PRR19: variants seen among roughly 807,000 people sequenced by gnomAD.
PRR19 encodes proline rich 19, also known as proline-rich protein 19.
In PRR19, 9 loss-of-function variants were observed where a neutral mutation model predicts 19.2. The observed-to-expected ratio is 0.47, with a 90% CI of 0.28 to 0.82. The LOEUF is 0.82. Among genes scored for constraint, PRR19 ranks in the 40% least tolerant of loss-of-function variants. PRR19 has a pLI of 0.11. For synonymous variants in PRR19, 190 were observed against 191.0 expected (o/e 0.99, Z 0.04); for missense variants, 457 against 466.0 (o/e 0.98, Z 0.18).
At chr19:42,307,655 GA>G (rs1389923790) in intron 1 of PRR19, among the ~76,000 whole-genome samples, 1 of 149,798 alleles carries the variant, frequency 6.7e-6, no homozygotes, top group African/African-American at 2.5e-5. Flanking sequence ...GGCTGGTCTC[GA>G]ACTCCTGACC....
intron 1 of PRR19, among the ~76,000 whole-genome samples, chr19:42,307,424 T>TTTGTTGTTG (rs139388795): frequency 1.7e-4 from 26 of 150,948 alleles, no homozygotes; most frequent in African/African-American, 3.7e-4. Context: ...CCCTCCATCT[T>TTTGTTGTTG]TTGTTGTTGT....
chr19:42,310,163 G>C lies in PRR19; in HGVS notation c.579G>C (p.Arg193=). 1 of 1,614,030 alleles carries C rather than the reference G, an allele frequency of 6.2e-7. No homozygotes were observed. The highest frequency in any genetic ancestry group is 8.5e-7 in the Non-Finnish European group (1 of 1,180,020). The change falls in exon 2 of 3, where the codon CGG becomes CGC. Residue 193 remains arginine (R), a synonymous_variant. Coordinates refer to ENST00000341747, the MANE Select transcript of PRR19 (RefSeq NM_199285.3). The stretch of plus-strand genomic sequence containing the variant: ...TGCCTGACCTTGCCCTGGTGCTTCG[G>C]GGCTGCCAGCCACCCTTGCCAGGTG... ...GCVPDLALVL[R]GCQPPLPGAK...
chr19:42,309,482 T>A, intron 1 of PRR19, 97 bp from the exon 2 acceptor site: 1 of 918,154 alleles, frequency 1.1e-6, no homozygotes, highest in Non-Finnish European at 1.7e-6. Flanking sequence ...GTGTTGGTAT[T>A]ACAGGCATAA....
At chr19:42,307,692 C>T (rs1270155408) in intron 1 of PRR19, among the ~76,000 whole-genome samples, 2 of 151,722 alleles carry the variant, frequency 1.3e-5, no homozygotes, top group African/African-American at 2.4e-5. Context: ...ACCTCGGCCT[C>T]CCAAAGTGCT....
intron 1 of PRR19, among the ~76,000 whole-genome samples, chr19:42,303,263 A>G (rs1288574321): frequency 6.6e-6 from 1 of 152,082 alleles, no homozygotes; most frequent in African/African-American, 2.4e-5. Flanking sequence ...AAGGTGCAGA[A>G]AGAGAAAGGA....
chr19:42,309,709 A>G lies in PRR19; in HGVS notation c.125A>G (p.His42Arg), dbSNP rs772777984. Reference protein sequence around the residue: ...ALVGSRRPLAHHDPPVAIRDP... With the variant: ...ALVGSRRPLARHDPPVAIRDP... ...GTGGGCAGCCGCCGGCCATTAGCCCACCACGATCCTCCTGTGGCCATTCGG... is the reference window on the plus strand; with the variant it reads ...GTGGGCAGCCGCCGGCCATTAGCCCGCCACGATCCTCCTGTGGCCATTCGG... Residue 42 changes from histidine (H) to arginine (R), a missense_variant, in exon 2 of 3, where the codon CAC becomes CGC. Physicochemically the swap from His to Arg is conservative, Grantham distance 29 (BLOSUM62 0). Coordinates refer to ENST00000341747, the MANE Select transcript of PRR19 (RefSeq NM_199285.3). The G allele has an allele frequency of 1.2e-6, 2 of 1,605,968 alleles. No homozygotes were observed. The highest frequency in any genetic ancestry group is 1.7e-5 in the Admixed American group (1 of 59,716).
intron 1 of PRR19, 71 bp from the exon 2 acceptor site, chr19:42,309,508 C>A: frequency 8.2e-7 from 1 of 1,222,112 alleles, no homozygotes; most frequent in Non-Finnish European, 1.1e-6. Flanking sequence ...CGCGCCCAGC[C>A]CTCCCTATTC....
intron 1 of PRR19, among the ~76,000 whole-genome samples, chr19:42,304,546 C>G (rs1435667962): frequency 1.3e-5 from 2 of 148,900 alleles, no homozygotes; most frequent in Admixed American, 6.7e-5. Context: ...AGGTCAGGAT[C>G]GAGACCATCC....
intron 1 of PRR19, among the ~76,000 whole-genome samples, chr19:42,302,976 G>A (rs2038663455): frequency 6.6e-6 from 1 of 151,746 alleles, no homozygotes; most frequent in South Asian, 2.1e-4. Context: ...GAAAATTCGA[G>A]GCTCCCTTCT....
At position 42,310,377 on chromosome 19, in the gene PRR19, G is replaced by A. The variant is rs773919867; in HGVS notation, c.708G>A (p.Glu236=). The change falls in exon 3 of 3, where the codon GAG becomes GAA. Residue 236 remains glutamate, a synonymous_variant. Coordinates refer to ENST00000341747, the MANE Select transcript of PRR19 (RefSeq NM_199285.3). ...AAAGGAAGCAACAAGGGACAAAGGA[G>A]TTCACCTTCCCCATGCCCTACACCT... The part of the protein sequence containing the change: ...ERQRKQQGTK[E]FTFPMPYTSS... The A allele has an allele frequency of 5.0e-6, 8 of 1,613,990 alleles. No homozygotes were observed. Among genetic ancestry groups the A allele is most frequent in the Non-Finnish European group, 6.8e-6 (8 of 1,180,008 alleles).
intron 1 of PRR19, chr19:42,302,705 A>T (rs912149008): frequency 4.3e-6 from 1 of 231,690 alleles, no homozygotes; most frequent in Non-Finnish European, 8.6e-6. Flanking sequence ...CTACCTGAAG[A>T]GTCGAGAGTG....
chr19:42,309,878 C>T lies in PRR19; in HGVS notation c.294C>T (p.Gly98=). 1 of 1,613,942 alleles carries T rather than the reference C, an allele frequency of 6.2e-7. No homozygotes were observed. The highest frequency in any genetic ancestry group is 8.5e-7 in the Non-Finnish European group (1 of 1,180,010). The change falls in exon 2 of 3, where the codon GGC becomes GGT. Residue 98 remains glycine, a synonymous_variant. Coordinates refer to ENST00000341747, the MANE Select transcript of PRR19 (RefSeq NM_199285.3). ...RLLSSGTLVP[G]SPTLPAKPSP... ...TTAGCAGTGGGACCCTGGTGCCAGG[C>T]AGCCCCACACTCCCCGCCAAGCCCT... is the stretch of plus-strand genomic sequence containing the variant.
chr19:42,302,658 AGGGAGAAACCACCCACCGGTCACG>A, intron 1 of PRR19, 155 bp downstream of exon 1: 1 of 311,796 alleles, frequency 3.2e-6, no homozygotes, highest in Non-Finnish European at 6.1e-6. Flanking sequence ...GGCGGGGAGG[AGGGAGAAACCACCCACCGGTCACG>A]GGGAGGGGCG....
intron 1 of PRR19, among the ~76,000 whole-genome samples, chr19:42,304,136 T>C (rs1599958109): frequency 6.7e-6 from 1 of 148,980 alleles, no homozygotes; most frequent in African/African-American, 2.5e-5. Flanking sequence ...AAAAATTAGC[T>C]AGGCATGGCA....
In PRR19 at chr19:42,310,362, A is replaced by G. The variant is rs1340639837; in HGVS notation, c.693A>G (p.Gln231=). The change falls in exon 3 of 3, where the codon CAA becomes CAG. Residue 231 remains glutamine (Q), a synonymous_variant. Transcript: ENST00000341747. The stretch of plus-strand genomic sequence containing the variant: ...CAGAGCAGGAGAGGCAAAGGAAGCA[A>G]CAAGGGACAAAGGAGTTCACCTTCC... ...QVPEQERQRK[Q]QGTKEFTFPM... is the part of the protein sequence containing the mutation. 1.2e-6 allele frequency: 2 copies of G among 1,614,110 alleles called. No individual in the cohort carries two copies. Among genetic ancestry groups the G allele is most frequent in the Non-Finnish European group, 1.7e-6 (2 of 1,179,994 alleles).
intron 1 of PRR19, among the ~76,000 whole-genome samples, chr19:42,305,374 G>T (rs1436093452): frequency 4.6e-5 from 7 of 150,982 alleles, no homozygotes; most frequent in Admixed American, 3.3e-4. Flanking sequence ...TGCCTCCCAG[G>T]TTCAAGCGAT....
intron 1 of PRR19, among the ~76,000 whole-genome samples, chr19:42,308,470 C>T (rs900464209): frequency 6.7e-6 from 1 of 148,662 alleles, no homozygotes; most frequent in African/African-American, 2.5e-5. Flanking sequence ...GCAATCTCGG[C>T]TTACTGCAAC....
chr19:42,310,303 A>G lies in PRR19; in HGVS notation c.634A>G (p.Thr212Ala). ...GCCTGGGGTCTCTGAGAGAAAGATG[A>G]CACCCTTCTGGATTAATAGCCCTGA... is the stretch of plus-strand genomic sequence containing the variant. ...AKPGVSERKM[T>A]PFWINSPDQV... is the part of the protein sequence containing the mutation. The change falls in exon 3 of 3, where the codon ACA becomes GCA. Residue 212 changes from threonine (T) to alanine (A), a missense_variant. Coordinates refer to ENST00000341747, the MANE Select transcript of PRR19 (RefSeq NM_199285.3). 1 of 1,614,130 alleles carries G rather than the reference A, an allele frequency of 6.2e-7. No individual in the cohort carries two copies. Among genetic ancestry groups the G allele is most frequent in the Non-Finnish European group, 8.5e-7 (1 of 1,180,004 alleles).
In PRR19 at chr19:42,302,245, C is replaced by G; in HGVS notation, c.-265C>G. ...GGGAACGCTCACCAGGGACATCCAG[C>G]GCCCGTCGCCCTGTACGTCCTGCAC... On this transcript the variant is annotated 5_prime_UTR_variant, in exon 1 of 3. Transcript: ENST00000341747. 1 of 1,600,314 alleles carries G rather than the reference C, an allele frequency of 6.2e-7. No homozygotes were observed. The highest frequency in any genetic ancestry group is 8.5e-7 in the Non-Finnish European group (1 of 1,173,750).
Sources: allele counts gnomAD v4.1 joint callset (sites outside exome capture counted in the v4.1 genomes callset), GRCh38; gene constraint gnomAD v4.1.1; transcripts MANE v1.5; gene names NCBI Gene and HGNC (gene_info 2026-07-23, HGNC 2026-07-21).